The following ABCB4 variants were observed in gnomAD, a reference collection of about 807,000 sequenced individuals.
ABCB4 encodes the protein phosphatidylcholine translocator ABCB4.
ABCB4 carries 76 observed loss-of-function variants against 145.7 expected under a neutral mutation model. The ratio of observed to expected loss-of-function variants is 0.52; its 90% confidence interval spans 0.43 to 0.63. The LOEUF (loss-of-function observed/expected upper bound fraction) is 0.63. Ranked by LOEUF, ABCB4 falls within the 30% of genes least tolerant of loss-of-function variation. ABCB4 has a pLI of 0.00. For synonymous variants in ABCB4, 517 were observed against 566.8 expected, an observed-to-expected ratio of 0.91 and a Z score of 1.25; for missense variants, 1,234 against 1,553.1, an observed-to-expected ratio of 0.79 and a Z score of 3.45.
In ABCB4 at chr7:87,456,931, C is replaced by A. The variant is rs528667807; in HGVS notation, c.287-2339G>T. The stretch of plus-strand genomic sequence containing the variant: ...CTGCTAGATCTGAAAAGAGCCTACT[C>A]CTGGTCTTGTCAGATGCTACCTATT... On this transcript the variant is annotated intron_variant, in intron 4 of 27. Transcript: ENST00000649586. 3.2e-4 allele frequency among the ~76,000 whole-genome samples: 49 copies of A among 152,128 alleles called. No individual in the cohort carries two copies. In the South Asian group the frequency reaches 9.2e-3, roughly 28 times the overall value.
the ABCB4 span, among the ~76,000 whole-genome samples, chr7:87,387,371 T>C: frequency 6.6e-6 from 1 of 152,134 alleles, no homozygotes; most frequent in Admixed American, 6.5e-5. Context: ...CTCTTTATTT[T>C]CTAGTTATCC....
rs571455467 is a variant in ABCB4 at position 87,468,496 on chromosome 7, T to C, written c.135+4125A>G. 2.6e-3 allele frequency among the ~76,000 whole-genome samples: 390 copies of C among 152,076 alleles called. 3 individuals are homozygous for C. Among genetic ancestry groups the C allele is most frequent in the African/African-American group, 9.1e-3 (377 of 41,478 alleles). ...ACCATTCCTTCTGAAACTATTCCAA[T>C]CAATAGAAAAAGAGGGAATCCTCCC... On this transcript the variant is annotated intron_variant, in intron 3 of 27. Coordinates refer to ENST00000649586, the MANE Select transcript of ABCB4 (RefSeq NM_000443.4).
intron 10 of ABCB4, 131 bp downstream of exon 10, chr7:87,444,731 A>G: frequency 4.6e-6 from 3 of 649,536 alleles, no homozygotes; most frequent in Non-Finnish European, 8.0e-6. Context: ...CATTCATTTC[A>G]TATAATTAAA....
chr7:87,397,350 CA>C (rs11429478), downstream of ABCB4, among the ~76,000 whole-genome samples: 50 of 146,218 alleles, frequency 3.4e-4, no homozygotes, highest in Admixed American at 1.8e-3. Context: ...GACTCTTTCT[CA>C]AAAAAAAAAA....
At chr7:87,430,670 G>A (rs1289727912) in intron 15 of ABCB4, among the ~76,000 whole-genome samples, 1 of 151,928 alleles carries the variant, frequency 6.6e-6, no homozygotes, top group Non-Finnish European at 1.5e-5. Context: ...GACTACAGGC[G>A]TGCACCACCA....
At chr7:87,470,158 C>T (rs575777149) in intron 3 of ABCB4, among the ~76,000 whole-genome samples, 3 of 152,326 alleles carry the variant, frequency 2.0e-5, no homozygotes, top group East Asian at 3.9e-4. Context: ...GGAAAACTGG[C>T]TAGCCATATG....
At chr7:87,395,669 T>C in the ABCB4 span, among the ~76,000 whole-genome samples, 4 of 152,302 alleles carry the variant, frequency 2.6e-5, no homozygotes, top group East Asian at 7.7e-4. Flanking sequence ...ACTGGTTTCT[T>C]TGATGTTTTG....
intron 18 of ABCB4, among the ~76,000 whole-genome samples, chr7:87,421,641 A>C (rs183850536): frequency 6.6e-6 from 1 of 152,242 alleles, no homozygotes; most frequent in Non-Finnish European, 1.5e-5. Context: ...ATTACAGAGA[A>C]GTCTAACTGG....
At chr7:87,445,062 T>C in intron 9 of ABCB4, 87 bp from the exon 10 acceptor site, 1 of 884,526 alleles carries the variant, frequency 1.1e-6, no homozygotes. Flanking sequence ...ACATAGTACA[T>C]AAAGGATTAA....
chr7:87,467,256 T>C (rs2116936404), intron 3 of ABCB4, among the ~76,000 whole-genome samples: 1 of 152,290 alleles, frequency 6.6e-6, no homozygotes, highest in South Asian at 2.1e-4. Context: ...AATCCTAGTC[T>C]CTGATAAAAC....
downstream of ABCB4, chr7:87,398,204 A>G: frequency 2.1e-6 from 1 of 481,156 alleles, no homozygotes; most frequent in Non-Finnish European, 4.0e-6. Context: ...TTCCAGTAGC[A>G]CTTTAGGAAG....
chr7:87,429,845 T>G (rs1302157821), intron 15 of ABCB4, among the ~76,000 whole-genome samples: 1 of 151,894 alleles, frequency 6.6e-6, no homozygotes, highest in Non-Finnish European at 1.5e-5. Flanking sequence ...TATTTTCATT[T>G]GGGGGAATTT....
intron 3 of ABCB4, among the ~76,000 whole-genome samples, chr7:87,466,200 T>A (rs774708237): frequency 9.2e-5 from 14 of 152,136 alleles, no homozygotes; most frequent in African/African-American, 1.4e-4. Context: ...AGAGAAGTCC[T>A]TAAAGGACCT....
chr7:87,400,375 C>T (rs1807730788), downstream of ABCB4, among the ~76,000 whole-genome samples: 1 of 152,140 alleles, frequency 6.6e-6, no homozygotes, highest in Admixed American at 6.5e-5. Flanking sequence ...TTTTAAGAAA[C>T]ATGTACGCTC....
At chr7:87,464,061 C>T (rs1435745304) in intron 3 of ABCB4, among the ~76,000 whole-genome samples, 1 of 152,126 alleles carries the variant, frequency 6.6e-6, no homozygotes, top group Non-Finnish European at 1.5e-5. Context: ...TGCCCATTCC[C>T]CCCACCTCAG....
intron 24 of ABCB4, 146 bp from the exon 25 acceptor site, chr7:87,408,380 A>G (rs947646201): frequency 3.5e-6 from 3 of 852,980 alleles, no homozygotes; most frequent in African/African-American, 1.7e-5. Context: ...GTTAATATTG[A>G]TAGCAAGTTA....
the ABCB4 span, among the ~76,000 whole-genome samples, chr7:87,385,102 G>A: frequency 6.7e-6 from 1 of 149,548 alleles, no homozygotes; most frequent in Non-Finnish European, 1.5e-5. Flanking sequence ...TAGTTTGGCG[G>A]TATATTTTGA....
In ABCB4 at chr7:87,440,316, C is replaced by A. The variant is rs746551593; in HGVS notation, c.1443G>T (p.Leu481=). 2 of 1,614,116 alleles carry A rather than the reference C, an allele frequency of 1.2e-6. No homozygotes were observed. The highest frequency in any genetic ancestry group is 2.2e-5 in the East Asian group (1 of 44,862). ...IIGVVSQEPV[L]FSTTIAENIC... Reference sequence around the variant, plus strand: ...TATTTTCAGCAATTGTGGTGGAAAACAGCACCGGCTCCTGACTCACCACAC... The same window carrying A: ...TATTTTCAGCAATTGTGGTGGAAAAAAGCACCGGCTCCTGACTCACCACAC... The change falls in exon 13 of 28, where the codon CTG becomes CTT. Residue 481 remains leucine, a synonymous_variant. Transcript: ENST00000649586.
At chr7:87,388,417 C>T in the ABCB4 span, among the ~76,000 whole-genome samples, 1 of 152,174 alleles carries the variant, frequency 6.6e-6, no homozygotes, top group Non-Finnish European at 1.5e-5. Flanking sequence ...GTTACTGGTA[C>T]CAACACAGAT....
Sources: gnomAD v4.1 joint callset for allele counts (sites outside exome capture counted in the v4.1 genomes callset) on GRCh38, gnomAD v4.1.1 for gene constraint, MANE v1.5 for transcripts, NCBI Gene and HGNC (gene_info 2026-07-23, HGNC 2026-07-21) for gene names.